The following PLEKHA8 variants were observed in gnomAD, a reference collection of about 807,000 sequenced individuals.
PLEKHA8 encodes pleckstrin homology domain containing A8, also known as pleckstrin homology domain-containing family A member 8.
Under a neutral mutation model 68.2 loss-of-function variants are expected in PLEKHA8, and 36 were observed. The observed-to-expected ratio is 0.53, with a 90% CI of 0.40 to 0.70. The LOEUF (loss-of-function observed/expected upper bound fraction) is 0.70. Ranked by LOEUF, PLEKHA8 falls within the 30% of genes least tolerant of loss-of-function variation. The probability of loss-of-function intolerance (pLI) is 0.00; values close to 1 mark genes in which losing one functional copy is unlikely to be tolerated. For synonymous variants in PLEKHA8, 211 were observed against 216.1 expected (o/e 0.98, Z 0.20); for missense variants, 505 against 615.4 (o/e 0.82, Z 1.90).
chr7:30,079,990 C>G lies in PLEKHA8; in HGVS notation c.*1203C>G. On this transcript the variant is annotated 3_prime_UTR_variant, in exon 14 of 14. Transcript: ENST00000449726. ...TGGAGCAGGTTCATTCAGCAGCATT[C>G]TTAATTGAGCCAGCATTGACACCCA... 1 of 984,240 alleles carries G rather than the reference C, an allele frequency of 1.0e-6. No homozygotes were observed. Among genetic ancestry groups the G allele is most frequent in the Non-Finnish European group, 1.2e-6 (1 of 829,760 alleles). 61.0% of individuals were successfully genotyped at this position (984,240 alleles called of 1,614,324 possible). A position where few individuals can be genotyped will look rare whatever the true frequency, so the allele number is the denominator to read the frequency against.
At chr7:30,042,508 C>T (rs564620828) in intron 1 of PLEKHA8, among the ~76,000 whole-genome samples, 25 of 152,328 alleles carry the variant, frequency 1.6e-4, no homozygotes, top group Admixed American at 1.5e-3. Flanking sequence ...GAGCTGTTCA[C>T]ACCAGCCAGC....
downstream of PLEKHA8, chr7:30,130,097 T>G (rs1464626578): frequency 2.0e-5 from 3 of 152,372 alleles, no homozygotes; most frequent in East Asian, 5.8e-4. Context: ...CACCTTTTCC[T>G]AGAGGAAATC....
intron 13 of PLEKHA8, among the ~76,000 whole-genome samples, chr7:30,121,523 G>C (rs147475763): frequency 0.055 from 8,419 of 152,228 alleles, 355 homozygotes; most frequent in Middle Eastern, 0.078. Context: ...CAGCTACTTG[G>C]GGGGCTGAGG....
chr7:30,120,170 C>CAAAA lies in PLEKHA8; in HGVS notation c.1363-9088_1363-9085dup, dbSNP rs200775029. On this transcript the variant is annotated intron_variant, in intron 13 of 13. Transcript: ENST00000396257. ...ATACAAATAATTAAAAAAAAAAAAA[C>CAAAA]AAAAAAAAAAACAGAAAATAACATG... Among the ~76,000 whole-genome samples, 47 of 130,916 alleles carry CAAAA rather than the reference C, an allele frequency of 3.6e-4. 1 individual carries two copies. The highest frequency in any genetic ancestry group is 3.8e-3 in the Middle Eastern group (1 of 260). 85.9% of individuals were successfully genotyped at this position (130,916 alleles called of 152,430 possible). A position where few individuals can be genotyped will look rare whatever the true frequency, so the allele number is the denominator to read the frequency against.
chr7:30,085,881 A>G (rs1297224914), downstream of PLEKHA8, among the ~76,000 whole-genome samples: 1 of 152,168 alleles, frequency 6.6e-6, no homozygotes, highest in Non-Finnish European at 1.5e-5. Flanking sequence ...AGGCACACTG[A>G]GAAGCACTGA....
In PLEKHA8 at chr7:30,115,823, T is replaced by TAC. The variant is rs1796464772; in HGVS notation, c.1363-13443_1363-13442insAC. 10 of 136,926 alleles carry TAC rather than the reference T, an allele frequency of 7.3e-5. 2 individuals are homozygous for TAC. The highest frequency in any genetic ancestry group is 2.9e-4 in the African/African-American group (10 of 34,562). 8.5% of individuals were successfully genotyped at this position (136,926 alleles called of 1,614,324 possible). Reference sequence around the variant, plus strand: ...ATGTATACACGCATGCATGTATACATGCGTGCACATACATGTATACACGTA... The same window carrying TAC: ...ATGTATACACGCATGCATGTATACATACGCGTGCACATACATGTATACACGTA... On this transcript the variant is annotated intron_variant, in intron 13 of 13. Transcript: ENST00000396257.
intron 13 of PLEKHA8, among the ~76,000 whole-genome samples, chr7:30,118,569 G>C (rs1345104974): frequency 6.6e-6 from 1 of 151,790 alleles, no homozygotes; most frequent in Non-Finnish European, 1.5e-5. Context: ...TTCTCTCTCT[G>C]AGGCCCATCT....
chr7:30,127,302 A>G (rs1434670117), intron 13 of PLEKHA8, among the ~76,000 whole-genome samples: 1 of 152,190 alleles, frequency 6.6e-6, no homozygotes, highest in Non-Finnish European at 1.5e-5. Context: ...GAGGTGAGGA[A>G]TATTATTCCC....
At chr7:30,070,823 C>G (rs929788291) in intron 12 of PLEKHA8, among the ~76,000 whole-genome samples, 1 of 152,150 alleles carries the variant, frequency 6.6e-6, no homozygotes, top group African/African-American at 2.4e-5. Context: ...GGATTATAGG[C>G]GTGAGCCACC....
At chr7:30,091,690 G>A (rs1795421917), downstream of PLEKHA8, among the ~76,000 whole-genome samples, 1 of 152,198 alleles carries the variant, frequency 6.6e-6, no homozygotes, top group African/African-American at 2.4e-5. Context: ...GCCATTTGGA[G>A]TGGTTGACAG....
At chr7:30,045,328 T>C (rs1039534690) in intron 2 of PLEKHA8, 127 bp downstream of exon 2, 30 of 663,252 alleles carry the variant, frequency 4.5e-5, no homozygotes, top group Non-Finnish European at 7.0e-5. Context: ...CATAGTGTTA[T>C]GTGTCAAAAG....
chr7:30,079,066 CAA>C lies in PLEKHA8; in HGVS notation c.*281_*282del. 1 of 1,178,428 alleles carries C rather than the reference CAA, an allele frequency of 8.5e-7. No homozygotes were observed. Among genetic ancestry groups the C allele is most frequent in the Non-Finnish European group, 1.1e-6 (1 of 951,714 alleles). The allele number at this position is 1,178,428 out of a possible 1,614,324, so 73.0% of individuals were successfully genotyped here. A position where few individuals can be genotyped will look rare whatever the true frequency, so the allele number is the denominator to read the frequency against. ...AAGTTATAAGAGCAGATTTAACAAA[CAA>C]ATTTGCTGTTATTGTGTATTGTATT... On this transcript the variant is annotated 3_prime_UTR_variant, in exon 14 of 14. Coordinates refer to ENST00000449726, the MANE Select transcript of PLEKHA8 (RefSeq NM_001197026.2).
At chr7:30,115,815 T>G (rs554377603) in intron 13 of PLEKHA8, 4 of 137,076 alleles carry the variant, frequency 2.9e-5, no homozygotes, top group Non-Finnish European at 4.7e-5. Flanking sequence ...CACGCATGCA[T>G]GTATACATGC....
chr7:30,038,062 A>G (rs556032391), intron 1 of PLEKHA8, among the ~76,000 whole-genome samples: 4 of 152,308 alleles, frequency 2.6e-5, no homozygotes, highest in South Asian at 4.1e-4. Context: ...TTTTAAGGCA[A>G]AAGTTCTGAA....
At position 30,073,929 on chromosome 7, in the gene PLEKHA8, G is replaced by A. The variant is rs192978842; in HGVS notation, c.1301-142G>A. On this transcript the variant is annotated intron_variant, in intron 12 of 13. Coordinates refer to ENST00000449726, the MANE Select transcript of PLEKHA8 (RefSeq NM_001197026.2). ...CACTTGAGCGCAGGAGTTCAAGGCT[G>A]CAACTATTATCACACCACTGTACTC... 516 of 562,876 alleles carry A rather than the reference G, an allele frequency of 9.2e-4. 3 individuals carry two copies. In the African/African-American group the frequency reaches 9.4e-3, roughly 10 times the overall value. 34.9% of individuals were successfully genotyped at this position (562,876 alleles called of 1,614,324 possible).
intron 9 of PLEKHA8, among the ~76,000 whole-genome samples, chr7:30,055,706 C>G (rs900046187): frequency 6.6e-6 from 1 of 152,108 alleles, no homozygotes; most frequent in Non-Finnish European, 1.5e-5. Flanking sequence ...TGCTTTGTTG[C>G]CCAGGCTGGA....
intron 13 of PLEKHA8, among the ~76,000 whole-genome samples, chr7:30,111,427 T>C (rs1698115921): frequency 6.6e-6 from 1 of 152,190 alleles, no homozygotes. Flanking sequence ...TTCTAGATTG[T>C]TTTGGCTATT....
At position 30,083,059 on chromosome 7, in the gene PLEKHA8, AT is replaced by A. The variant is rs1248999562; in HGVS notation, c.*4276del. 1 of 981,040 alleles carries A rather than the reference AT, an allele frequency of 1.0e-6. No individual in the cohort carries two copies. The highest frequency in any genetic ancestry group is 1.1e-4 in the East Asian group (1 of 8,784). 60.8% of individuals were successfully genotyped at this position (981,040 alleles called of 1,614,324 possible). A position where few individuals can be genotyped will look rare whatever the true frequency, so the allele number is the denominator to read the frequency against. On this transcript the variant is annotated 3_prime_UTR_variant, in exon 14 of 14. Coordinates refer to ENST00000449726, the MANE Select transcript of PLEKHA8 (RefSeq NM_001197026.2). Reference sequence around the variant, plus strand: ...AAGATAATCTATCAACCTTTTTTAAATTTTAAAATTTTTAGATGTAGAGTTT... The same window carrying A: ...AAGATAATCTATCAACCTTTTTTAAATTTAAAATTTTTAGATGTAGAGTTT...
chr7:30,122,791 G>A (rs1242676558), intron 13 of PLEKHA8, among the ~76,000 whole-genome samples: 1 of 152,150 alleles, frequency 6.6e-6, no homozygotes, highest in Non-Finnish European at 1.5e-5. Flanking sequence ...GCCAGGAGAA[G>A]CAGGAAAGTG....
Sources: allele counts gnomAD v4.1 joint callset (sites outside exome capture counted in the v4.1 genomes callset), GRCh38; gene constraint gnomAD v4.1.1; transcripts MANE v1.5; gene names NCBI Gene and HGNC (gene_info 2026-07-23, HGNC 2026-07-21).